LRRCC1: variants seen among roughly 807,000 people sequenced by gnomAD.
LRRCC1 encodes leucine-rich repeat and coiled-coil domain-containing protein 1.
Under a neutral mutation model 126.0 loss-of-function variants are expected in LRRCC1, and 115 were observed. The observed-to-expected ratio is 0.91, with a 90% confidence interval of 0.78 to 1.07. The LOEUF (loss-of-function observed/expected upper bound fraction) is 1.07, where lower values mean the gene tolerates loss of function less well. LRRCC1 is among the 50% of genes least tolerant of loss of function. The probability of loss-of-function intolerance (pLI) is 0.00; values close to 1 mark genes in which losing one functional copy is unlikely to be tolerated. For synonymous variants in LRRCC1, 400 were observed against 393.4 expected, an observed-to-expected ratio of 1.02 and a Z score of -0.20; for missense variants, 1,172 against 1,175.7, an observed-to-expected ratio of 1.00 and a Z score of 0.05.
rs757896086 is a variant in LRRCC1 at position 85,107,409 on chromosome 8, G to C, written c.104+10G>C. On this transcript the variant is annotated intron_variant, in intron 1 of 18. Transcript: ENST00000360375. Reference sequence around the variant, plus strand: ...ACAAAGGCTTGCAGAGGTAAAGGGCGCTCCGCAGCCAGGAGCGACCCGCGC... The same window carrying C: ...ACAAAGGCTTGCAGAGGTAAAGGGCCCTCCGCAGCCAGGAGCGACCCGCGC... 6.3e-7 allele frequency: 1 copy of C among 1,598,410 alleles called. No homozygotes were observed. The highest frequency in any genetic ancestry group is 8.6e-7 in the Non-Finnish European group (1 of 1,169,350).
chr8:85,125,481 G>A (rs894990869), intron 8 of LRRCC1, among the ~76,000 whole-genome samples: 3 of 150,406 alleles, frequency 2.0e-5, no homozygotes, highest in South Asian at 4.2e-4. Context: ...AGACCATCCC[G>A]GCTAAAATGG....
At chr8:85,133,100 A>G (rs996713222) in intron 12 of LRRCC1, among the ~76,000 whole-genome samples, 4 of 152,008 alleles carry the variant, frequency 2.6e-5, no homozygotes, top group Non-Finnish European at 5.9e-5. Context: ...CTCTTCTCCA[A>G]CCTGCTCTCA....
chr8:85,124,807 G>A lies in LRRCC1; in HGVS notation c.1140G>A (p.Met380Ile). 1 of 1,562,362 alleles carries A rather than the reference G, an allele frequency of 6.4e-7. No homozygotes were observed. Among genetic ancestry groups the A allele is most frequent in the East Asian group, 2.3e-5 (1 of 43,676 alleles). Residue 380 changes from methionine (M) to isoleucine (I), a missense_variant, in exon 8 of 19, where the codon ATG becomes ATA. Met to Ile is a conservative substitution (Grantham distance 10). Transcript: ENST00000360375. ...TTCTTTACAGTTGTAATCGTAAAAT[G>A]AAACCACCTTACCTTAAAGAATTAT... ...YNSFVSCNRK[M>I]KPPYLKELYV...
At chr8:85,141,198 C>G (rs571572787) in intron 17 of LRRCC1, among the ~76,000 whole-genome samples, 184 bp from the exon 18 acceptor site, 203 of 152,198 alleles carry the variant, frequency 1.3e-3, no homozygotes, top group Middle Eastern at 6.8e-3. Context: ...CTAATAGATT[C>G]TGCTGGATGA....
chr8:85,136,463 C>T (rs905845222), intron 14 of LRRCC1, among the ~76,000 whole-genome samples: 8 of 151,836 alleles, frequency 5.3e-5, no homozygotes, highest in Non-Finnish European at 7.4e-5. Context: ...TTAGTATAGA[C>T]GGGGTTTAAC....
At chr8:85,130,655 A>C (rs369437005) in intron 11 of LRRCC1, among the ~76,000 whole-genome samples, 3 of 152,300 alleles carry the variant, frequency 2.0e-5, no homozygotes, top group Admixed American at 6.5e-5. Context: ...ACCCAGCCAA[A>C]AGTTGGTCTT....
intron 2 of LRRCC1, 47 bp from the exon 3 acceptor site, chr8:85,110,068 A>ATTAATTATTTAAATT (rs1179881315): frequency 3.1e-5 from 25 of 810,606 alleles, no homozygotes; most frequent in Non-Finnish European, 4.6e-5. Flanking sequence ...GTAATTAATT[A>ATTAATTATTTAAATT]TTTAAATTTT....
At chr8:85,125,698 CA>C (rs1242222811) in intron 8 of LRRCC1, among the ~76,000 whole-genome samples, 1 of 91,194 alleles carries the variant, frequency 1.1e-5, no homozygotes, top group Non-Finnish European at 2.4e-5. Flanking sequence ...AAGAGGTGTT[CA>C]AAAATGTTTT....
chr8:85,111,795 G>A lies in LRRCC1; in HGVS notation c.377-1137G>A, dbSNP rs937578613. Among the ~76,000 whole-genome samples, 3 of 151,878 alleles carry A rather than the reference G, an allele frequency of 2.0e-5. No homozygotes were observed. In the East Asian group the frequency reaches 5.8e-4, roughly 29 times the overall value. Reference sequence around the variant, plus strand: ...TAGCTAAAATAGTGACAGTGCTGGTGAGATTGTGAAGCAGTTGAAACTCGC... The same window carrying A: ...TAGCTAAAATAGTGACAGTGCTGGTAAGATTGTGAAGCAGTTGAAACTCGC... On this transcript the variant is annotated intron_variant, in intron 3 of 18. Transcript: ENST00000360375.
rs1439458991 is a variant in LRRCC1 at position 85,115,520 on chromosome 8, A to C, written c.866A>C (p.Asn289Thr). ...SSEPEKNNHE[N>T]DLQNEIKLQK... The stretch of plus-strand genomic sequence containing the variant: ...GAGCCAGAGAAAAATAATCATGAAA[A>C]CGATTTGCAGAATGAGATAAAACTT... The change falls in exon 6 of 19, where the codon AAC (asparagine) becomes ACC (threonine). Residue 289 changes from asparagine to threonine, a missense_variant. By Grantham distance (65) the Asn-to-Thr change is moderately conservative. Transcript: ENST00000360375. 1 of 1,613,568 alleles carries C rather than the reference A, an allele frequency of 6.2e-7. No individual in the cohort carries two copies. Among genetic ancestry groups the C allele is most frequent in the Non-Finnish European group, 8.5e-7 (1 of 1,179,784 alleles).
At chr8:85,122,778 G>A (rs1220560617) in intron 6 of LRRCC1, among the ~76,000 whole-genome samples, 1 of 152,190 alleles carries the variant, frequency 6.6e-6, no homozygotes, top group Admixed American at 6.5e-5. Flanking sequence ...CAATTTTGAA[G>A]TACGTCCTGG....
At position 85,115,091 on chromosome 8, in the gene LRRCC1, G is replaced by A. The variant is rs982029155; in HGVS notation, c.545-9G>A. 3.9e-6 allele frequency: 6 copies of A among 1,532,496 alleles called. No individual in the cohort carries two copies. In the African/African-American group the frequency reaches 8.4e-5, roughly 21 times the overall value. The allele number at this position is 1,532,496 out of a possible 1,614,324, so 94.9% of individuals were successfully genotyped here. ...TTTCAGTTTTCATTTTGAATGATTT[G>A]TTTCCAAGGGTACAGAGCAGTTATT... On this transcript the variant is annotated splice_polypyrimidine_tract_variant and intron_variant, in intron 4 of 18. Coordinates refer to ENST00000360375, the MANE Select transcript of LRRCC1 (RefSeq NM_033402.5).
Position 85,110,101 on chromosome 8 carries a change from C to T in LRRCC1, c.311-14C>T. 3.5e-6 allele frequency: 3 copies of T among 853,456 alleles called. No homozygotes were observed. The highest frequency in any genetic ancestry group is 5.1e-6 in the Non-Finnish European group (3 of 582,850). 52.9% of individuals were successfully genotyped at this position (853,456 alleles called of 1,614,324 possible). The stretch of plus-strand genomic sequence containing the variant: ...TTTATAAAGGCTTTATTTTATTTTA[C>T]TTTTTTTTTTTAGGACTTGAAGAAC... On this transcript the variant is annotated splice_polypyrimidine_tract_variant and intron_variant, in intron 2 of 18. Coordinates refer to ENST00000360375, the MANE Select transcript of LRRCC1 (RefSeq NM_033402.5).
chr8:85,110,494 T>C (rs1001347082), intron 3 of LRRCC1, among the ~76,000 whole-genome samples: 10 of 152,244 alleles, frequency 6.6e-5, no homozygotes, highest in African/African-American at 2.4e-4. Flanking sequence ...ATAGTTCCAA[T>C]AGAACTTTCC....
chr8:85,127,977 A>C (rs1810141989), intron 9 of LRRCC1, among the ~76,000 whole-genome samples: 2 of 152,226 alleles, frequency 1.3e-5, no homozygotes, highest in African/African-American at 2.4e-5. Context: ...TGAGTAACCA[A>C]CATTATGTAG....
intron 1 of LRRCC1, 103 bp downstream of exon 1, chr8:85,107,502 C>T (rs1416879391): frequency 9.9e-7 from 1 of 1,010,004 alleles, no homozygotes; most frequent in African/African-American, 1.6e-5. Context: ...ACTGCTTTAC[C>T]AAGACCATAA....
Position 85,138,127 on chromosome 8 carries a change from T to C in LRRCC1, c.2586T>C (p.Ser862=). The C allele has an allele frequency of 1.2e-6, 2 of 1,608,964 alleles. No homozygotes were observed. The highest frequency in any genetic ancestry group is 2.2e-5 in the South Asian group (2 of 90,002). The change falls in exon 16 of 19, where the codon TCT becomes TCC. Residue 862 remains serine, a synonymous_variant. Coordinates refer to ENST00000360375, the MANE Select transcript of LRRCC1 (RefSeq NM_033402.5). ...KCTQEQLDEK[S]SQLDEVLEKL... The stretch of plus-strand genomic sequence containing the variant: ...CTCAAGAACAACTTGATGAAAAATC[T>C]TCACAACTGGATGAGGTACTTGAGA...
intron 18 of LRRCC1, among the ~76,000 whole-genome samples, chr8:85,142,944 A>G (rs1453124144): frequency 1.3e-5 from 2 of 152,224 alleles, no homozygotes; most frequent in Admixed American, 1.3e-4. Context: ...GTCTTTGGAA[A>G]TAATCACAAT....
At chr8:85,129,042 T>G in intron 9 of LRRCC1, 133 bp from the exon 10 acceptor site, 1 of 696,644 alleles carries the variant, frequency 1.4e-6, no homozygotes. Flanking sequence ...CACGCTTTCA[T>G]ATAGCATATC....
Sources: gnomAD v4.1 joint callset for allele counts (sites outside exome capture counted in the v4.1 genomes callset) on GRCh38, gnomAD v4.1.1 for gene constraint, MANE v1.5 for transcripts, NCBI Gene and HGNC (gene_info 2026-07-23, HGNC 2026-07-21) for gene names.